Variants in ADAMTSL1 observed in about 807,000 individuals in gnomAD.
The protein encoded by ADAMTSL1 is ADAMTS like 1, also known as ADAMTS-like protein 1.
A neutral mutation model predicts 201.8 loss-of-function variants in ADAMTSL1; 126 were observed. The observed-to-expected ratio is 0.62, with a 90% CI of 0.54 to 0.72. The LOEUF is 0.72. Ranked by LOEUF, ADAMTSL1 falls within the 30% of genes least tolerant of loss-of-function variation. The probability of loss-of-function intolerance (pLI) is 0.00; values close to 1 mark genes in which losing one functional copy is unlikely to be tolerated. For synonymous variants in ADAMTSL1, 1,121 were observed against 903.4 expected, an observed-to-expected ratio of 1.24 and a Z score of -4.32; for missense variants, 2,679 against 2,277.8, an observed-to-expected ratio of 1.18 and a Z score of -3.59.
At chr9:18,600,753 A>G (rs1824595944) in intron 4 of ADAMTSL1, among the ~76,000 whole-genome samples, 1 of 152,232 alleles carries the variant, frequency 6.6e-6, no homozygotes, top group African/African-American at 2.4e-5. Flanking sequence ...TAAAGGCTTT[A>G]AAAAGAACAT....
chr9:18,845,347 A>G (rs1244207607), intron 23 of ADAMTSL1, among the ~76,000 whole-genome samples: 2 of 152,238 alleles, frequency 1.3e-5, no homozygotes, highest in Non-Finnish European at 2.9e-5. Context: ...AGATGTGGGC[A>G]GTCATTCCAA....
chr9:18,351,776 T>C (rs1383025411), intron 2 of ADAMTSL1, among the ~76,000 whole-genome samples: 2 of 152,212 alleles, frequency 1.3e-5, no homozygotes, highest in Non-Finnish European at 2.9e-5. Context: ...AAAATACATG[T>C]GCTGGTCTTC....
intron 2 of ADAMTSL1, chr9:18,360,803 G>T (rs897427413): frequency 2.6e-5 from 4 of 152,124 alleles, no homozygotes; most frequent in South Asian, 4.1e-4. Flanking sequence ...ATTGACAGGG[G>T]TCTCTCTTCT....
At chr9:18,659,627 T>A (rs1828935807) in intron 8 of ADAMTSL1, among the ~76,000 whole-genome samples, 1 of 151,916 alleles carries the variant, frequency 6.6e-6, no homozygotes, top group South Asian at 2.1e-4. Context: ...ATTAGCTGGG[T>A]GTGGTGGCGC....
intron 5 of ADAMTSL1, among the ~76,000 whole-genome samples, chr9:18,632,479 C>G (rs1826842641): frequency 6.6e-6 from 1 of 152,092 alleles, no homozygotes; most frequent in African/African-American, 2.4e-5. Flanking sequence ...AAATGGGTTT[C>G]TTTGGTGCAG....
At chr9:18,654,410 T>C (rs1227965703) in intron 7 of ADAMTSL1, among the ~76,000 whole-genome samples, 3 of 152,356 alleles carry the variant, frequency 2.0e-5, no homozygotes, top group Non-Finnish European at 2.9e-5. Context: ...ATTTCAAAAG[T>C]ACCTGAAAGG....
chr9:18,183,736 A>G (rs1301016328), intron 2 of ADAMTSL1, among the ~76,000 whole-genome samples: 1 of 152,208 alleles, frequency 6.6e-6, no homozygotes, highest in Non-Finnish European at 1.5e-5. Flanking sequence ...ACTTATGTGC[A>G]ACATTCAGTA....
intron 2 of ADAMTSL1, among the ~76,000 whole-genome samples, chr9:18,237,879 T>C (rs73643204): frequency 0.037 from 5,691 of 152,340 alleles, 294 homozygotes; most frequent in African/African-American, 0.12. Context: ...CAATTGTTTC[T>C]CTAAAAATCA....
intron 23 of ADAMTSL1, among the ~76,000 whole-genome samples, chr9:18,832,323 T>G (rs1166173725): frequency 6.6e-6 from 1 of 152,114 alleles, no homozygotes; most frequent in Non-Finnish European, 1.5e-5. Flanking sequence ...GCTCTGGGTA[T>G]GAGAAATAAG....
At chr9:18,061,728 C>G (rs1206467960) in intron 1 of ADAMTSL1, among the ~76,000 whole-genome samples, 1 of 152,200 alleles carries the variant, frequency 6.6e-6, no homozygotes, top group Non-Finnish European at 1.5e-5. Context: ...CATTTGAAAA[C>G]AAGTTCCACT....
intron 1 of ADAMTSL1, among the ~76,000 whole-genome samples, chr9:18,008,370 G>T (rs1262997225): frequency 6.6e-6 from 1 of 151,960 alleles, no homozygotes; most frequent in African/African-American, 2.4e-5. Flanking sequence ...TCTTTAAAGA[G>T]ATCCCAATAC....
intron 4 of ADAMTSL1, among the ~76,000 whole-genome samples, chr9:18,584,171 T>C (rs182505245): frequency 4.3e-4 from 65 of 152,302 alleles, no homozygotes; most frequent in African/African-American, 1.4e-3. Context: ...CTCCCACAAT[T>C]CCCACGTGTT....
intron 1 of ADAMTSL1, among the ~76,000 whole-genome samples, chr9:18,132,958 G>A (rs1246269982): frequency 6.6e-6 from 1 of 152,112 alleles, no homozygotes; most frequent in East Asian, 1.9e-4. Context: ...CCTGGAATAA[G>A]GAGGTAGGGT....
chr9:18,847,627 T>C (rs1351664642), intron 23 of ADAMTSL1, among the ~76,000 whole-genome samples: 1 of 147,438 alleles, frequency 6.8e-6, no homozygotes, highest in Non-Finnish European at 1.5e-5. Flanking sequence ...GACATGAATG[T>C]GTGCTCTTGA....
rs112514672 is a variant in ADAMTSL1, at chr9:18,281,458, G to A, written c.207+117477G>A. 2.4e-3 allele frequency among the ~76,000 whole-genome samples: 362 copies of A among 152,268 alleles called. 1 individual carries two copies. The highest frequency in any genetic ancestry group is 8.2e-3 in the African/African-American group (342 of 41,550). ...CTGATCCGTGCACAGACGATGAGAGGTCTCATGAAGCTTCGGTACAGTCTA... is the reference window on the plus strand; with the variant it reads ...CTGATCCGTGCACAGACGATGAGAGATCTCATGAAGCTTCGGTACAGTCTA... On this transcript the variant is annotated intron_variant, in intron 2 of 29. Coordinates refer to the ADAMTSL1 transcript ENST00000680146.
intron 16 of ADAMTSL1, among the ~76,000 whole-genome samples, chr9:18,758,613 A>T (rs1819901517): frequency 6.6e-6 from 1 of 151,876 alleles, no homozygotes; most frequent in Non-Finnish European, 1.5e-5. Context: ...CTGTCCCTTC[A>T]TCCTCTCTCT....
intron 19 of ADAMTSL1, among the ~76,000 whole-genome samples, chr9:18,794,017 C>T (rs1033306591): frequency 3.4e-5 from 5 of 148,598 alleles, no homozygotes; most frequent in African/African-American, 1.2e-4. Context: ...TCTTTTAAGT[C>T]TTTTCAGATT....
chr9:18,014,442 A>G (rs7871976), intron 1 of ADAMTSL1, among the ~76,000 whole-genome samples: 3,227 of 152,160 alleles, frequency 0.021, 123 homozygotes, highest in African/African-American at 0.074. Flanking sequence ...GTATCTACTT[A>G]ACTCCTCTGG....
chr9:18,755,572 A>C (rs905166453), intron 16 of ADAMTSL1, among the ~76,000 whole-genome samples: 6 of 152,204 alleles, frequency 3.9e-5, no homozygotes, highest in African/African-American at 1.4e-4. Flanking sequence ...CTGAATAATG[A>C]CATTGACTCA....
Sources: gnomAD v4.1 joint callset for allele counts (sites outside exome capture counted in the v4.1 genomes callset) on GRCh38, gnomAD v4.1.1 for gene constraint, MANE v1.5 for transcripts, NCBI Gene and HGNC (gene_info 2026-07-23, HGNC 2026-07-21) for gene names.